CLSTN3: variants seen among roughly 807,000 people sequenced by gnomAD.
The protein encoded by CLSTN3 is calsyntenin-3.
Under a neutral mutation model 95.9 loss-of-function variants are expected in CLSTN3, and 36 were observed. The ratio of observed to expected loss-of-function variants is 0.38; its 90% CI spans 0.29 to 0.50. The LOEUF is 0.50. Ranked by LOEUF, CLSTN3 falls within the 20% of genes least tolerant of loss-of-function variation. The pLI, the probability that CLSTN3 is intolerant of heterozygous loss-of-function variation, is 0.95. For missense variants in CLSTN3, 1,084 were observed against 1,268.8 expected, an observed-to-expected ratio of 0.85 and a Z score of 2.21; for synonymous variants, 481 against 504.0, an observed-to-expected ratio of 0.95 and a Z score of 0.61.
chr12:7,135,970 G>C lies in CLSTN3; in HGVS notation c.742+17G>C. 6.3e-7 allele frequency: 1 copy of C among 1,583,666 alleles called. No homozygotes were observed. Among genetic ancestry groups the C allele is most frequent in the Non-Finnish European group, 8.6e-7 (1 of 1,167,344 alleles). ...GCTGGCAAGGTGAGAGCTCAGCGCT[G>C]TGCCCCATCTTGTGAATCATCTTTT... On this transcript the variant is annotated intron_variant, in intron 5 of 17. Coordinates refer to ENST00000266546, the MANE Select transcript of CLSTN3 (RefSeq NM_014718.4).
At position 7,135,475 on chromosome 12, in the gene CLSTN3, A is replaced by G; in HGVS notation, c.532A>G (p.Ser178Gly). 6.2e-7 allele frequency: 1 copy of G among 1,614,092 alleles called. No homozygotes were observed. The highest frequency in any genetic ancestry group is 8.5e-7 in the Non-Finnish European group (1 of 1,180,006). Residue 178 changes from serine to glycine, a missense_variant, in exon 4 of 18, where the codon AGC (serine) becomes GGC (glycine). Physicochemically the swap from Ser to Gly is moderately conservative, Grantham distance 56. Transcript: ENST00000266546. ...TGACGGTGACTGCTCCCCCCAGTAC[A>G]GCCAGATCTGCTACTATGAGATTCT... is the stretch of plus-strand genomic sequence containing the variant. ...AIDGDCSPQY[S>G]QICYYEILTP...
At position 7,158,041 on chromosome 12, in the gene CLSTN3, A is replaced by G; in HGVS notation, c.2831A>G (p.Asp944Gly). Residue 944 changes from aspartate to glycine, a missense_variant, in exon 18 of 18, where the codon GAC becomes GGC. Physicochemically the swap from Asp to Gly is moderately conservative, Grantham distance 94 (BLOSUM62 -1). Transcript: ENST00000266546. ...GAGGTGGCCGATTCCCCCAGCAGCG[A>G]CGAGAGACGCATCATCGAGACCCCC... ...DSEVADSPSS[D>G]ERRIIETPPH... 1 of 1,548,806 alleles carries G rather than the reference A, an allele frequency of 6.5e-7. No individual in the cohort carries two copies. The highest frequency in any genetic ancestry group is 8.7e-7 in the Non-Finnish European group (1 of 1,145,216).
At chr12:7,143,480 G>A (rs1031091845) in intron 12 of CLSTN3, among the ~76,000 whole-genome samples, 169 bp downstream of exon 12, 2 of 152,198 alleles carry the variant, frequency 1.3e-5, no homozygotes, top group African/African-American at 4.8e-5. Flanking sequence ...TAGCAATATT[G>A]GTAGAAGAGT....
rs63110460 is a variant in CLSTN3, at chr12:7,142,061, GTTTT to G, written c.1487-12_1487-9del. The G allele has an allele frequency of 9.4e-4, 1,225 of 1,309,438 alleles. No homozygotes were observed. Among genetic ancestry groups the G allele is most frequent in the South Asian group, 1.1e-3 (78 of 72,468 alleles). 81.1% of individuals were successfully genotyped at this position (1,309,438 alleles called of 1,614,324 possible). ...CCACATCCCTGAGCTCACCAGCACTGTTTTTTTTTTTTTTTTATCCCCAGAGGAG... is the reference window on the plus strand; with the variant it reads ...CCACATCCCTGAGCTCACCAGCACTGTTTTTTTTTTTTATCCCCAGAGGAG... On this transcript the variant is annotated intron_variant, in intron 9 of 17. Coordinates refer to ENST00000266546, the MANE Select transcript of CLSTN3 (RefSeq NM_014718.4).
chr12:7,133,612 C>T lies in CLSTN3; in HGVS notation c.227C>T (p.Pro76Leu). The T allele has an allele frequency of 6.2e-7, 1 of 1,614,088 alleles. No individual in the cohort carries two copies. Among genetic ancestry groups the T allele is most frequent in the East Asian group, 2.2e-5 (1 of 44,874 alleles). ...TTCCGGCTCCATGGGTCTGGGGTGC[C>T]CTTTGAGGCTGTGATCCTTGACAAG... ...CGFRLHGSGV[P>L]FEAVILDKAT... Residue 76 changes from proline to leucine, a missense_variant, in exon 3 of 18, where the codon CCC becomes CTC. Transcript: ENST00000266546. The surrounding 1 kb of genome is among the most constrained non-coding windows in gnomAD (Gnocchi z 4.7).
At chr12:7,130,168 G>A (rs922986533), upstream of CLSTN3, 7 of 159,872 alleles carry the variant, frequency 4.4e-5, no homozygotes, top group Admixed American at 6.9e-5. Flanking sequence ...CACCCCCTCC[G>A]TGGCTCTCCA....
intron 16 of CLSTN3, among the ~76,000 whole-genome samples, chr12:7,155,076 C>A (rs1000052341): frequency 6.6e-6 from 1 of 152,144 alleles, no homozygotes; most frequent in Non-Finnish European, 1.5e-5. Context: ...AAGAGAGCAC[C>A]GTGTGGGGCC....
rs1289905469 is a variant in CLSTN3 at position 7,150,613 on chromosome 12, C to T, written c.2315C>T (p.Ala772Val). 6.2e-7 allele frequency: 1 copy of T among 1,613,660 alleles called. No individual in the cohort carries two copies. Among genetic ancestry groups the T allele is most frequent in the Non-Finnish European group, 8.5e-7 (1 of 1,179,984 alleles). The change falls in exon 15 of 18, where the codon GCC becomes GTC. Residue 772 changes from alanine (A) to valine (V), a missense_variant. Physicochemically the swap from Ala to Val is moderately conservative, Grantham distance 64 (BLOSUM62 0). Coordinates refer to ENST00000266546, the MANE Select transcript of CLSTN3 (RefSeq NM_014718.4). This position sits in a 1 kb window ranked among gnomAD's most constrained non-coding sequence, Gnocchi z 4.0. ...QARYRLRHGA[A>V]LYTRKFRLSC... ...CGTTATCGGCTGCGACACGGAGCTG[C>T]CCTCTACACCAGGAAGTTCCGGCTT...
At chr12:7,146,992 G>A (rs1435451969) in intron 12 of CLSTN3, among the ~76,000 whole-genome samples, 1 of 152,154 alleles carries the variant, frequency 6.6e-6, no homozygotes, top group Non-Finnish European at 1.5e-5. Context: ...AGCTCATCAT[G>A]CCTACTGAGA....
At chr12:7,142,035 T>A in intron 9 of CLSTN3, 51 bp from the exon 10 acceptor site, 1 of 1,413,466 alleles carries the variant, frequency 7.1e-7, no homozygotes, top group Non-Finnish European at 9.7e-7. Context: ...TGTCAATCTC[T>A]CCACATCCCT....
chr12:7,156,032 A>G (rs1043101737), intron 16 of CLSTN3: 21 of 354,048 alleles, frequency 5.9e-5, no homozygotes, highest in Non-Finnish European at 1.7e-5. Context: ...CTCAGGCTGT[A>G]GGTAATTTGC....
Position 7,142,099 on chromosome 12 carries a change from A to T in CLSTN3, c.1500A>T (p.Lys500Asn), listed in dbSNP as rs143003914. 1.6e-4 allele frequency: 260 copies of T among 1,604,446 alleles called. 1 individual carries two copies. The highest frequency in any genetic ancestry group is 1.5e-3 in the African/African-American group (111 of 74,504). ...TTTTATCCCCAGAGGAGAAGAACAA[A>T]GAGAAGGAAAAGGGAGACAACAGTA... is the stretch of plus-strand genomic sequence containing the variant. ...IGACWTEEKN[K>N]EKEKGDNSTD... The change falls in exon 10 of 18, where the codon AAA becomes AAT. Residue 500 changes from lysine (K) to asparagine (N), a missense_variant. Lys to Asn is a moderately conservative substitution (Grantham distance 94). Coordinates refer to ENST00000266546, the MANE Select transcript of CLSTN3 (RefSeq NM_014718.4).
chr12:7,147,259 G>T (rs1311030650), intron 12 of CLSTN3, among the ~76,000 whole-genome samples: 2 of 151,658 alleles, frequency 1.3e-5, no homozygotes, highest in Non-Finnish European at 1.5e-5. Context: ...CTTGGGCGGT[G>T]TGTGGTGGCG....
At chr12:7,148,850 G>A (rs916890071) in intron 12 of CLSTN3, 122 bp from the exon 13 acceptor site, 1 of 804,534 alleles carries the variant, frequency 1.2e-6, no homozygotes. Context: ...TTCTTCCCCT[G>A]CCCCTTCCTG....
chr12:7,135,009 C>T (rs932536113), intron 3 of CLSTN3, among the ~76,000 whole-genome samples: 3 of 152,160 alleles, frequency 2.0e-5, no homozygotes, highest in Admixed American at 1.3e-4. Flanking sequence ...AGGCTCCCTC[C>T]TGTTCTGGCT....
At position 7,137,404 on chromosome 12, in the gene CLSTN3, C is replaced by G. The variant is rs1181797584; in HGVS notation, c.1210+294C>G. ...CTGTCCCCACCCCCCATCTCCACCT[C>G]CATTAAAGCCCCTCCATTGCAATGG... On this transcript the variant is annotated intron_variant, in intron 7 of 17. Transcript: ENST00000266546. The surrounding 1 kb of genome is among the most constrained non-coding windows in gnomAD (Gnocchi z 4.4). 1 of 402,138 alleles carries G rather than the reference C, an allele frequency of 2.5e-6. No individual in the cohort carries two copies. The highest frequency in any genetic ancestry group is 4.6e-6 in the Non-Finnish European group (1 of 216,674). The allele number at this position is 402,138 out of a possible 1,614,324, so 24.9% of individuals were successfully genotyped here.
Position 7,148,460 on chromosome 12 carries a change from C to T in CLSTN3, c.1848-512C>T, listed in dbSNP as rs904247641. 4.6e-5 allele frequency among the ~76,000 whole-genome samples: 7 copies of T among 152,130 alleles called. No homozygotes were observed. The South Asian group carries it at 1.0e-3, about 23-fold the overall frequency. On this transcript the variant is annotated intron_variant, in intron 12 of 17. Transcript: ENST00000266546. ...TCTCACCTACCAAAGTGTGTTTCCCCGATATTGAAGGGAATGAAAGACACA... is the reference window on the plus strand; with the variant it reads ...TCTCACCTACCAAAGTGTGTTTCCCTGATATTGAAGGGAATGAAAGACACA...
In CLSTN3 at chr12:7,133,505, A is replaced by T; in HGVS notation, c.188-68A>T. On this transcript the variant is annotated intron_variant, in intron 2 of 17. Transcript: ENST00000266546. The surrounding 1 kb of genome is among the most constrained non-coding windows in gnomAD (Gnocchi z 4.7). The stretch of plus-strand genomic sequence containing the variant: ...GGGAGGAGAGGTGGAGCTGGACCCC[A>T]GGTGGGGAGACTGAGGGTGGGGAAG... 6.7e-7 allele frequency: 1 copy of T among 1,491,736 alleles called. No individual in the cohort carries two copies. Among genetic ancestry groups the T allele is most frequent in the Non-Finnish European group, 9.3e-7 (1 of 1,073,898 alleles). 92.4% of individuals were successfully genotyped at this position (1,491,736 alleles called of 1,614,324 possible).
At position 7,149,459 on chromosome 12, in the gene CLSTN3, G is replaced by A; in HGVS notation, c.2075-64G>A. The stretch of plus-strand genomic sequence containing the variant: ...GAGGGAGAGTGGTGATGAGGGCATG[G>A]TTGGGTCTCAGAACCTCCGTGGGCC... On this transcript the variant is annotated intron_variant, in intron 13 of 17. Transcript: ENST00000266546. This position sits in a 1 kb window ranked among gnomAD's most constrained non-coding sequence, Gnocchi z 4.5. The A allele has an allele frequency of 1.3e-6, 2 of 1,490,550 alleles. No individual in the cohort carries two copies. The highest frequency in any genetic ancestry group is 1.8e-6 in the Non-Finnish European group (2 of 1,087,062). 92.3% of individuals were successfully genotyped at this position (1,490,550 alleles called of 1,614,324 possible).
Sources: allele counts gnomAD v4.1 joint callset (sites outside exome capture counted in the v4.1 genomes callset), GRCh38; gene constraint gnomAD v4.1.1; non-coding constraint Gnocchi (gnomAD v3.1); transcripts MANE v1.5; gene names NCBI Gene and HGNC (gene_info 2026-07-23, HGNC 2026-07-21).